Variants in HS3ST3A1 observed in about 807,000 individuals in gnomAD.
The protein encoded by HS3ST3A1 is heparan sulfate glucosamine 3-O-sulfotransferase 3A1.
Under a neutral mutation model 25.7 loss-of-function variants are expected in HS3ST3A1, and 19 were observed. The observed-to-expected ratio is 0.74, with a 90% CI of 0.52 to 1.08. The LOEUF (loss-of-function observed/expected upper bound fraction) is 1.08. HS3ST3A1 is among the 50% of genes least tolerant of loss of function. The pLI, the probability that HS3ST3A1 is intolerant of heterozygous loss-of-function variation, is 0.00. For synonymous variants in HS3ST3A1, 226 were observed against 278.6 expected (o/e 0.81, Z 1.88); for missense variants, 459 against 594.3 (o/e 0.77, Z 2.37).
chr17:13,597,626 T>C (rs1438027206), intron 1 of HS3ST3A1, among the ~76,000 whole-genome samples: 1 of 152,202 alleles, frequency 6.6e-6, no homozygotes, highest in Non-Finnish European at 1.5e-5. Flanking sequence ...AATTTGCCTT[T>C]GTTTTATTTA....
chr17:13,579,463 G>A (rs562364889), intron 1 of HS3ST3A1, among the ~76,000 whole-genome samples: 3 of 151,988 alleles, frequency 2.0e-5, no homozygotes, highest in Non-Finnish European at 4.4e-5. Context: ...CACTATAGGA[G>A]GCCGAGGTGG....
Position 13,495,988 on chromosome 17 carries a change from A to T in HS3ST3A1, c.*209T>A. 1.8e-6 allele frequency: 1 copy of T among 549,132 alleles called. No homozygotes were observed. The highest frequency in any genetic ancestry group is 3.0e-6 in the Non-Finnish European group (1 of 329,574). The allele number at this position is 549,132 out of a possible 1,614,324, so 34.0% of individuals were successfully genotyped here. ...TAAAAACTGAAAATTGAAAGTGTTT[A>T]GACGAGTGAAATTTTCCTTTTCTGT... On this transcript the variant is annotated 3_prime_UTR_variant, in exon 2 of 2. Transcript: ENST00000284110.
chr17:13,597,593 G>T (rs1908611772), intron 1 of HS3ST3A1, among the ~76,000 whole-genome samples: 1 of 151,754 alleles, frequency 6.6e-6, no homozygotes, highest in Non-Finnish European at 1.5e-5. Context: ...ACTCCACCAG[G>T]GTCGAGTTTC....
chr17:13,567,977 T>A (rs1907715373), intron 1 of HS3ST3A1, among the ~76,000 whole-genome samples: 1 of 152,172 alleles, frequency 6.6e-6, no homozygotes, highest in Non-Finnish European at 1.5e-5. Flanking sequence ...GGAGGTAAAA[T>A]GCTATCAAAC....
At position 13,601,074 on chromosome 17, in the gene HS3ST3A1, C is replaced by T; in HGVS notation, c.56G>A (p.Arg19His). The T allele has an allele frequency of 1.3e-6, 2 of 1,597,116 alleles. No individual in the cohort carries two copies. The highest frequency in any genetic ancestry group is 1.7e-6 in the Non-Finnish European group (2 of 1,172,838). ...CAGCAAGAACTTCCGGAAGATGCTG[C>T]GGGACAGCGGCTCGGCCGAGGTGGA... is the stretch of plus-strand genomic sequence containing the variant. ...ALSTSAEPLS[R>H]SIFRKFLLML... The change falls in exon 1 of 2, where the codon CGC becomes CAC. Residue 19 changes from arginine (R) to histidine (H), a missense_variant. Coordinates refer to ENST00000284110, the MANE Select transcript of HS3ST3A1 (RefSeq NM_006042.3).
chr17:13,498,392 C>A (rs1044151970), intron 1 of HS3ST3A1, among the ~76,000 whole-genome samples: 5 of 152,158 alleles, frequency 3.3e-5, no homozygotes, highest in Admixed American at 1.3e-4. Flanking sequence ...CCTACTCTTA[C>A]CAAAGACTAA....
At chr17:13,528,745 A>T (rs886696341) in intron 1 of HS3ST3A1, among the ~76,000 whole-genome samples, 2 of 152,160 alleles carry the variant, frequency 1.3e-5, no homozygotes, top group African/African-American at 4.8e-5. Flanking sequence ...GGAACTGAGG[A>T]AGGTGAAGTC....
intron 1 of HS3ST3A1, among the ~76,000 whole-genome samples, chr17:13,518,589 C>A (rs986795048): frequency 2.6e-5 from 4 of 152,138 alleles, no homozygotes; most frequent in Non-Finnish European, 5.9e-5. Flanking sequence ...TTTCCCATTT[C>A]TTGATACTTA....
Position 13,506,490 on chromosome 17 carries a change from A to G in HS3ST3A1, c.600-9672T>C, listed in dbSNP as rs113803659. ...CCACCAATCACATCAAGAGATTTGT[A>G]TAAATAATTACACAGAGCAATTCTG... On this transcript the variant is annotated intron_variant, in intron 1 of 1. Coordinates refer to ENST00000284110, the MANE Select transcript of HS3ST3A1 (RefSeq NM_006042.3). 5.9e-5 allele frequency among the ~76,000 whole-genome samples: 9 copies of G among 152,350 alleles called. No homozygotes were observed. The South Asian group carries it at 1.2e-3, about 21-fold the overall frequency.
chr17:13,553,793 C>G (rs12949620), intron 1 of HS3ST3A1, among the ~76,000 whole-genome samples: 9,656 of 152,228 alleles, frequency 0.063, 402 homozygotes, highest in Non-Finnish European at 0.087. Context: ...CATCCCTAAT[C>G]CCCTTCTCTC....
chr17:13,580,273 G>C (rs1479330798), intron 1 of HS3ST3A1, among the ~76,000 whole-genome samples: 1 of 151,894 alleles, frequency 6.6e-6, no homozygotes, highest in Non-Finnish European at 1.5e-5. Flanking sequence ...AATAACAATG[G>C]TAACACAGTT....
intron 1 of HS3ST3A1, among the ~76,000 whole-genome samples, chr17:13,520,686 CT>C (rs931792142): frequency 6.6e-6 from 1 of 151,830 alleles, no homozygotes; most frequent in African/African-American, 2.4e-5. Flanking sequence ...ACAATCTCGA[CT>C]CACTGCAACC....
intron 1 of HS3ST3A1, among the ~76,000 whole-genome samples, chr17:13,502,648 A>G (rs1347009617): frequency 6.6e-6 from 1 of 152,008 alleles, no homozygotes; most frequent in Non-Finnish European, 1.5e-5. Flanking sequence ...CAATTACCCT[A>G]TTACCCTTCC....
intron 1 of HS3ST3A1, among the ~76,000 whole-genome samples, chr17:13,528,383 G>C (rs1356523595): frequency 6.6e-6 from 1 of 152,242 alleles, no homozygotes; most frequent in African/African-American, 2.4e-5. Context: ...TCAGCTGTTA[G>C]AGCCTTTAGG....
At chr17:13,521,573 T>C (rs1906241473) in intron 1 of HS3ST3A1, among the ~76,000 whole-genome samples, 1 of 152,182 alleles carries the variant, frequency 6.6e-6, no homozygotes, top group African/African-American at 2.4e-5. Context: ...GAGGCATTCG[T>C]TAACGTTTAA....
chr17:13,598,224 T>C (rs1908633616), intron 1 of HS3ST3A1, among the ~76,000 whole-genome samples: 1 of 152,136 alleles, frequency 6.6e-6, no homozygotes, highest in Non-Finnish European at 1.5e-5. Context: ...TATAAGTAGC[T>C]AAAATGCACT....
intron 1 of HS3ST3A1, among the ~76,000 whole-genome samples, chr17:13,549,738 C>G (rs1023390738): frequency 1.3e-5 from 2 of 152,178 alleles, no homozygotes; most frequent in Non-Finnish European, 2.9e-5. Context: ...GACTGTCACA[C>G]AGGAAGCTCT....
chr17:13,536,884 G>C (rs1238077414), intron 1 of HS3ST3A1, among the ~76,000 whole-genome samples: 1 of 152,078 alleles, frequency 6.6e-6, no homozygotes, highest in African/African-American at 2.4e-5. Flanking sequence ...TTACTGCCCT[G>C]GGCCCTGAAA....
At chr17:13,568,155 A>T (rs1338535037) in intron 1 of HS3ST3A1, among the ~76,000 whole-genome samples, 1 of 152,246 alleles carries the variant, frequency 6.6e-6, no homozygotes, top group Non-Finnish European at 1.5e-5. Context: ...ACTCTTTCTC[A>T]GCAAAAAGAT....
Sources: allele counts gnomAD v4.1 joint callset (sites outside exome capture counted in the v4.1 genomes callset), GRCh38; gene constraint gnomAD v4.1.1; transcripts MANE v1.5; gene names NCBI Gene and HGNC (gene_info 2026-07-23, HGNC 2026-07-21).